FHIT: variants seen among roughly 807,000 people sequenced by gnomAD.
FHIT encodes the protein fragile histidine triad diadenosine triphosphatase, also known as bis(5'-adenosyl)-triphosphatase.
In FHIT, 19 loss-of-function variants were observed where a neutral mutation model predicts 17.9. The observed-to-expected ratio is 1.06, with a 90% CI of 0.74 to 1.56. FHIT has a LOEUF of 1.56. FHIT is among the 40% of genes most tolerant of loss of function. FHIT has a pLI of 0.00. For synonymous variants in FHIT, 81 were observed against 69.7 expected, an observed-to-expected ratio of 1.16 and a Z score of -0.81; for missense variants, 248 against 189.2, an observed-to-expected ratio of 1.31 and a Z score of -1.82.
chr3:60,320,809 T>A (rs754569264), intron 5 of FHIT, among the ~76,000 whole-genome samples: 1 of 152,186 alleles, frequency 6.6e-6, no homozygotes, highest in Non-Finnish European at 1.5e-5. Flanking sequence ...GAGGAACATA[T>A]TAATATTTTA....
At chr3:61,127,195 C>T (rs181875070) in intron 2 of FHIT, among the ~76,000 whole-genome samples, 187 of 152,270 alleles carry the variant, frequency 1.2e-3, no homozygotes, top group African/African-American at 4.2e-3. Flanking sequence ...CCCTTATGAG[C>T]CTGCCACAAT....
At chr3:60,115,755 TAAAATG>T (rs1704928877) in intron 5 of FHIT, among the ~76,000 whole-genome samples, 1 of 152,068 alleles carries the variant, frequency 6.6e-6, no homozygotes, top group Non-Finnish European at 1.5e-5. Flanking sequence ...CAATACTTCA[TAAAATG>T]AAAAAGTATT....
chr3:60,421,966 G>A (rs1346889139), intron 5 of FHIT, among the ~76,000 whole-genome samples: 3 of 152,244 alleles, frequency 2.0e-5, no homozygotes, highest in Admixed American at 6.5e-5. Context: ...TAGAGGCAAA[G>A]GTAAAAGATT....
At position 60,419,341 on chromosome 3, in the gene FHIT, T is replaced by C. The variant is rs529643641; in HGVS notation, c.103+117519A>G. Reference sequence around the variant, plus strand: ...AGTACTTTCTTCATCTTGCCTCAGTTATTATTTGAAATGTGCTTGTTTCCT... The same window carrying C: ...AGTACTTTCTTCATCTTGCCTCAGTCATTATTTGAAATGTGCTTGTTTCCT... On this transcript the variant is annotated intron_variant, in intron 5 of 9. Coordinates refer to ENST00000492590, the MANE Select transcript of FHIT (RefSeq NM_002012.4). Among the ~76,000 whole-genome samples the C allele has an allele frequency of 6.2e-4, 94 of 152,352 alleles. 1 individual carries two copies. The highest frequency in any genetic ancestry group is 2.2e-3 in the African/African-American group (92 of 41,584).
At chr3:61,016,376 G>C (rs769327943) in intron 3 of FHIT, among the ~76,000 whole-genome samples, 1 of 152,192 alleles carries the variant, frequency 6.6e-6, no homozygotes, top group Non-Finnish European at 1.5e-5. Context: ...TGTCAAAACA[G>C]TAAAATAAGA....
At chr3:60,668,449 CAGTT>C (rs1290140035) in intron 4 of FHIT, among the ~76,000 whole-genome samples, 1 of 149,106 alleles carries the variant, frequency 6.7e-6, no homozygotes, top group East Asian at 2.0e-4. Flanking sequence ...AGGAAACACT[CAGTT>C]AGGAAACACT....
rs1700765152 is a variant in FHIT, at chr3:59,749,482, T to C, written c.*103A>G. ...GGATGGTGAGATGAAGAAACTGCAT[T>C]TTCATGCTGATTCAGTTCCTCTTGG... On this transcript the variant is annotated 3_prime_UTR_variant, in exon 10 of 10. Transcript: ENST00000492590. The C allele has an allele frequency of 8.8e-6, 2 of 227,488 alleles. No individual in the cohort carries two copies. The highest frequency in any genetic ancestry group is 1.2e-4 in the East Asian group (2 of 16,164). The allele number at this position is 227,488 out of a possible 1,614,324, so 14.1% of individuals were successfully genotyped here.
intron 3 of FHIT, among the ~76,000 whole-genome samples, chr3:61,011,827 T>C (rs2031807508): frequency 6.6e-6 from 1 of 152,128 alleles, no homozygotes; most frequent in African/African-American, 2.4e-5. Flanking sequence ...CTTATTTCTC[T>C]CAGGAGCAGA....
chr3:60,621,049 C>T (rs144596448), intron 4 of FHIT, among the ~76,000 whole-genome samples: 3 of 152,028 alleles, frequency 2.0e-5, no homozygotes, highest in East Asian at 1.9e-4. Flanking sequence ...CAGACTAAAA[C>T]ATTTAACTCC....
At chr3:61,152,999 C>T (rs573819562) in intron 2 of FHIT, among the ~76,000 whole-genome samples, 27 of 151,978 alleles carry the variant, frequency 1.8e-4, no homozygotes, top group Non-Finnish European at 3.1e-4. Context: ...AAAAATCAGC[C>T]GGGCGTGGTG....
At chr3:61,205,408 C>T (rs1307774511) in intron 1 of FHIT, among the ~76,000 whole-genome samples, 1 of 152,178 alleles carries the variant, frequency 6.6e-6, no homozygotes, top group East Asian at 1.9e-4. Flanking sequence ...CTGACTTCCA[C>T]AATGGTTGAA....
intron 2 of FHIT, among the ~76,000 whole-genome samples, chr3:61,095,920 C>T (rs770497041): frequency 9.9e-5 from 15 of 152,272 alleles, no homozygotes; most frequent in Middle Eastern, 3.4e-3. Flanking sequence ...CCTGGCTCAA[C>T]GCTCACTTAA....
chr3:60,412,114 C>A (rs182873185), intron 5 of FHIT, among the ~76,000 whole-genome samples: 1 of 152,134 alleles, frequency 6.6e-6, no homozygotes, highest in Non-Finnish European at 1.5e-5. Flanking sequence ...GTGGCACATA[C>A]CTGTAGTCTC....
At chr3:60,863,570 A>C (rs184131149) in intron 3 of FHIT, among the ~76,000 whole-genome samples, 21 of 152,324 alleles carry the variant, frequency 1.4e-4, no homozygotes, top group Admixed American at 3.9e-4. Flanking sequence ...TTTACTAAAC[A>C]CTTGATGGGT....
chr3:60,009,736 G>C (rs1175484588), intron 7 of FHIT, among the ~76,000 whole-genome samples: 1 of 152,150 alleles, frequency 6.6e-6, no homozygotes, highest in African/African-American at 2.4e-5. Context: ...TCACCACTAA[G>C]TCCACAACGT....
chr3:59,925,984 G>A (rs2107207134), intron 7 of FHIT, among the ~76,000 whole-genome samples: 1 of 152,294 alleles, frequency 6.6e-6, no homozygotes, highest in South Asian at 2.1e-4. Flanking sequence ...ATTAAGCTGT[G>A]GTGATCACAA....
chr3:60,705,623 T>C (rs1392469949), intron 4 of FHIT, among the ~76,000 whole-genome samples: 1 of 152,258 alleles, frequency 6.6e-6, no homozygotes, highest in African/African-American at 2.4e-5. Context: ...AAAAATACTA[T>C]TTTGAAATTC....
intron 5 of FHIT, among the ~76,000 whole-genome samples, chr3:60,513,120 T>C (rs746473663): frequency 1.6e-4 from 25 of 152,172 alleles, no homozygotes; most frequent in Non-Finnish European, 3.4e-4. Context: ...GAGTAAAGCA[T>C]CCTAACATCT....
chr3:60,217,846 A>G (rs17062502), intron 5 of FHIT, among the ~76,000 whole-genome samples: 3,978 of 152,292 alleles, frequency 0.026, 71 homozygotes, highest in Middle Eastern at 0.078. Flanking sequence ...ATTACTCTGC[A>G]ATCAACTGCA....
Sources: gnomAD v4.1 joint callset for allele counts (sites outside exome capture counted in the v4.1 genomes callset) on GRCh38, gnomAD v4.1.1 for gene constraint, MANE v1.5 for transcripts, NCBI Gene and HGNC (gene_info 2026-07-23, HGNC 2026-07-21) for gene names.